The following UNC5C variants were observed in gnomAD, a reference collection of about 807,000 sequenced individuals.
UNC5C encodes netrin receptor UNC5C.
A neutral mutation model predicts 99.8 loss-of-function variants in UNC5C; 47 were observed. The ratio of observed to expected loss-of-function variants is 0.47; its 90% CI spans 0.37 to 0.60. The LOEUF is 0.60. Among genes scored for constraint, UNC5C ranks in the 20% least tolerant of loss-of-function variants. The pLI, the probability that UNC5C is intolerant of heterozygous loss-of-function variation, is 0.00. For missense variants in UNC5C, 1,062 were observed against 1,165.9 expected, an observed-to-expected ratio of 0.91 and a Z score of 1.30; for synonymous variants, 487 against 452.2, an observed-to-expected ratio of 1.08 and a Z score of -0.98.
At chr4:95,416,812 T>C (rs1280620715) in intron 1 of UNC5C, among the ~76,000 whole-genome samples, 6 of 152,142 alleles carry the variant, frequency 3.9e-5, no homozygotes, top group Non-Finnish European at 8.8e-5. Context: ...GCGTGTGCAA[T>C]GTAAAGCTGT....
intron 1 of UNC5C, among the ~76,000 whole-genome samples, chr4:95,460,753 T>C (rs371483681): frequency 1.5e-4 from 23 of 152,294 alleles, no homozygotes; most frequent in Admixed American, 6.5e-4. Context: ...GTGTCAACTG[T>C]TTATGAACCT....
chr4:95,223,897 A>AAAG (rs1446418438), intron 7 of UNC5C, among the ~76,000 whole-genome samples: 1 of 152,238 alleles, frequency 6.6e-6, no homozygotes, highest in East Asian at 1.9e-4. Context: ...AAGAATGTCA[A>AAAG]AAGACTTATT....
chr4:95,189,399 CCTCAGCCTCCCAA>C (rs1321308885), intron 12 of UNC5C, among the ~76,000 whole-genome samples: 3 of 152,210 alleles, frequency 2.0e-5, no homozygotes, highest in Admixed American at 2.0e-4. Context: ...AGTCCTCCCA[CCTCAGCCTCCCAA>C]GTAGCTGGGA....
chr4:95,201,963 A>G (rs184370606), intron 12 of UNC5C, among the ~76,000 whole-genome samples: 6 of 152,118 alleles, frequency 3.9e-5, no homozygotes, highest in Non-Finnish European at 7.4e-5. Flanking sequence ...CCACCTAGAA[A>G]TCTTGTATTT....
intron 1 of UNC5C, among the ~76,000 whole-genome samples, chr4:95,497,451 G>T (rs188475095): frequency 6.6e-6 from 1 of 151,982 alleles, no homozygotes; most frequent in East Asian, 1.9e-4. Context: ...TTTTAAGAAA[G>T]ATCCCTGTTT....
chr4:95,248,466 C>A, intron 5 of UNC5C: 1 of 444,862 alleles, frequency 2.2e-6, no homozygotes. Flanking sequence ...TGGATCGTAA[C>A]TTCCCCGTGG....
chr4:95,505,417 C>T (rs1578199647), intron 1 of UNC5C, among the ~76,000 whole-genome samples: 1 of 152,060 alleles, frequency 6.6e-6, no homozygotes, highest in Non-Finnish European at 1.5e-5. Context: ...TGTTATAACC[C>T]ACTCTCATCA....
intron 2 of UNC5C, among the ~76,000 whole-genome samples, chr4:95,312,180 A>G (rs567581724): frequency 4.7e-4 from 71 of 152,324 alleles, no homozygotes; most frequent in African/African-American, 1.7e-3. Flanking sequence ...ATAATTCTTA[A>G]GCACATATTT....
chr4:95,333,414 A>C (rs1007870093), intron 2 of UNC5C, among the ~76,000 whole-genome samples: 8 of 152,036 alleles, frequency 5.3e-5, no homozygotes, highest in African/African-American at 9.7e-5. Context: ...AGTTCATGTC[A>C]TTTGTAGGGA....
At chr4:95,418,257 T>C (rs1746225282) in intron 1 of UNC5C, among the ~76,000 whole-genome samples, 1 of 152,238 alleles carries the variant, frequency 6.6e-6, no homozygotes, top group Non-Finnish European at 1.5e-5. Flanking sequence ...TCAAAGCAAT[T>C]GCATTTTTCT....
At chr4:95,372,843 A>G (rs913955270) in intron 1 of UNC5C, among the ~76,000 whole-genome samples, 2 of 152,154 alleles carry the variant, frequency 1.3e-5, no homozygotes, top group Non-Finnish European at 2.9e-5. Context: ...CAAATATAAC[A>G]AAAGAGTTCA....
intron 1 of UNC5C, among the ~76,000 whole-genome samples, chr4:95,404,617 T>C (rs1306436077): frequency 1.3e-5 from 2 of 152,114 alleles, no homozygotes; most frequent in East Asian, 3.9e-4. Flanking sequence ...TCTCTAAGAG[T>C]GCTACTGATG....
chr4:95,355,038 G>A (rs1744130222), intron 1 of UNC5C, among the ~76,000 whole-genome samples: 1 of 152,058 alleles, frequency 6.6e-6, no homozygotes, highest in South Asian at 2.1e-4. Context: ...TCTGTATCTA[G>A]GAAAGAATAT....
intron 7 of UNC5C, among the ~76,000 whole-genome samples, chr4:95,230,919 G>GT (rs1051231941): frequency 1.3e-5 from 2 of 151,670 alleles, no homozygotes; most frequent in South Asian, 2.1e-4. Context: ...TGTTTGTAAG[G>GT]TTTTTTTTCT....
intron 1 of UNC5C, among the ~76,000 whole-genome samples, chr4:95,458,234 G>T (rs1201566365): frequency 1.3e-5 from 2 of 152,022 alleles, no homozygotes; most frequent in African/African-American, 4.8e-5. Flanking sequence ...GAGTGAGTCT[G>T]TCCCATTGTA....
intron 1 of UNC5C, among the ~76,000 whole-genome samples, chr4:95,434,074 GT>G (rs762381459): frequency 1.3e-5 from 2 of 151,972 alleles, no homozygotes; most frequent in Admixed American, 6.6e-5. Flanking sequence ...ACATGTTTAT[GT>G]TTTCTTTGTT....
intron 1 of UNC5C, among the ~76,000 whole-genome samples, chr4:95,431,281 G>A (rs78077078): frequency 0.036 from 5,450 of 152,130 alleles, 131 homozygotes; most frequent in Middle Eastern, 0.075. Context: ...GTTCAAAAAT[G>A]TGTCCAAGTA....
At chr4:95,341,664 T>TAC (rs1743586918) in intron 1 of UNC5C, among the ~76,000 whole-genome samples, 1 of 152,120 alleles carries the variant, frequency 6.6e-6, no homozygotes, top group Non-Finnish European at 1.5e-5. Flanking sequence ...ATTGACTATA[T>TAC]ACACCATAAA....
In UNC5C at chr4:95,276,084, AACTC is replaced by A. The variant is rs935428534; in HGVS notation, c.594+2171_594+2174del. Reference sequence around the variant, plus strand: ...AAGGAAAATGGTCGTATAATCCTTTAACTCACTAAGTTACCTTTCATCCCTTTCT... The same window carrying A: ...AAGGAAAATGGTCGTATAATCCTTTAACTAAGTTACCTTTCATCCCTTTCT... On this transcript the variant is annotated intron_variant, in intron 4 of 15. Transcript: ENST00000453304. Among the ~76,000 whole-genome samples, 7 of 152,208 alleles carry A rather than the reference AACTC, an allele frequency of 4.6e-5. No homozygotes were observed. In the East Asian group the frequency reaches 1.2e-3, roughly 25 times the overall value.
Sources: gnomAD v4.1 joint callset for allele counts (sites outside exome capture counted in the v4.1 genomes callset) on GRCh38, gnomAD v4.1.1 for gene constraint, MANE v1.5 for transcripts, NCBI Gene and HGNC (gene_info 2026-07-23, HGNC 2026-07-21) for gene names.